PIP5K1A: variants seen among roughly 807,000 people sequenced by gnomAD.
The protein encoded by PIP5K1A is phosphatidylinositol-4-phosphate 5-kinase type 1 alpha.
Under a neutral mutation model 72.9 loss-of-function variants are expected in PIP5K1A, and 46 were observed. The observed-to-expected ratio is 0.63, with a 90% confidence interval of 0.50 to 0.81. The LOEUF (loss-of-function observed/expected upper bound fraction) is 0.81. Ranked by LOEUF, PIP5K1A falls within the 30% of genes least tolerant of loss-of-function variation. PIP5K1A has a pLI of 0.00. For synonymous variants in PIP5K1A, 228 were observed against 255.1 expected (o/e 0.89, Z 1.01); for missense variants, 458 against 706.1 (o/e 0.65, Z 3.98).
chr1:151,246,265 G>A (rs181107423), intron 14 of PIP5K1A, among the ~76,000 whole-genome samples: 38 of 152,114 alleles, frequency 2.5e-4, no homozygotes, highest in Middle Eastern at 3.4e-3. Context: ...ACAAAAATTT[G>A]TTATCCCAGT....
At chr1:151,210,234 C>T (rs1686608583) in intron 1 of PIP5K1A, among the ~76,000 whole-genome samples, 1 of 145,080 alleles carries the variant, frequency 6.9e-6, no homozygotes, top group African/African-American at 2.5e-5. Flanking sequence ...CTCACTCTGT[C>T]ATCCAGGGTG....
At chr1:151,214,529 C>T (rs1687298826) in intron 1 of PIP5K1A, among the ~76,000 whole-genome samples, 1 of 151,728 alleles carries the variant, frequency 6.6e-6, no homozygotes, top group Non-Finnish European at 1.5e-5. Flanking sequence ...TACAGGTGAT[C>T]GCCACCATGT....
upstream of PIP5K1A, chr1:151,197,905 C>A: frequency 1.6e-5 from 6 of 369,658 alleles, no homozygotes; most frequent in South Asian, 1.2e-4. Context: ...TCTCCATGCC[C>A]TTTGGAGCAC....
intron 4 of PIP5K1A, among the ~76,000 whole-genome samples, chr1:151,229,028 C>T (rs916679372): frequency 2.4e-4 from 37 of 151,256 alleles, no homozygotes; most frequent in Non-Finnish European, 7.4e-5. Flanking sequence ...ATTAGCTGGG[C>T]GCGGTGGTGG....
chr1:151,205,734 G>A (rs587674374), intron 1 of PIP5K1A, among the ~76,000 whole-genome samples: 1 of 152,048 alleles, frequency 6.6e-6, no homozygotes, highest in Non-Finnish European at 1.5e-5. Context: ...GGAGGCGGAG[G>A]TTGCAGTGAG....
At chr1:151,241,061 G>A (rs778334384) in intron 12 of PIP5K1A, among the ~76,000 whole-genome samples, 4 of 152,152 alleles carry the variant, frequency 2.6e-5, no homozygotes, top group Admixed American at 6.5e-5. Flanking sequence ...TACTCAGGAG[G>A]CTGAGGCAGG....
intron 13 of PIP5K1A, 63 bp from the exon 14 acceptor site, chr1:151,242,375 G>T (rs1571009286): frequency 6.2e-7 from 1 of 1,604,454 alleles, no homozygotes; most frequent in South Asian, 1.1e-5. Context: ...TATCCAGGAA[G>T]CCTAGCTGCT....
chr1:151,219,381 CAA>C (rs1179510165), intron 1 of PIP5K1A, among the ~76,000 whole-genome samples: 23 of 67,168 alleles, frequency 3.4e-4, no homozygotes, highest in Admixed American at 3.8e-4. Context: ...ACTCTCGTCT[CAA>C]AAAAAAAAAA....
chr1:151,229,516 C>T, intron 4 of PIP5K1A, among the ~76,000 whole-genome samples: 1 of 151,668 alleles, frequency 6.6e-6, no homozygotes, highest in East Asian at 2.0e-4. Flanking sequence ...CATGCACCAC[C>T]ATGCCTGGAT....
chr1:151,227,900 A>G (rs1041339635), intron 4 of PIP5K1A, among the ~76,000 whole-genome samples: 6 of 152,176 alleles, frequency 3.9e-5, no homozygotes, highest in Non-Finnish European at 8.8e-5. Context: ...AAAGAAAAAA[A>G]AATTAGTGAA....
rs915602477 is a variant in PIP5K1A, at chr1:151,234,896, A to G, written c.939+400A>G. 1.1e-4 allele frequency among the ~76,000 whole-genome samples: 17 copies of G among 152,334 alleles called. No homozygotes were observed. In the South Asian group the frequency reaches 2.3e-3, roughly 20 times the overall value. ...ATATCCAACCCCACTTGGGCTTTCA[A>G]TATCGATCTTCAGTCCATTTGCTGT... On this transcript the variant is annotated intron_variant, in intron 8 of 15. Transcript: ENST00000368888.
At chr1:151,216,069 T>C (rs1017418933) in intron 1 of PIP5K1A, 9 of 822,194 alleles carry the variant, frequency 1.1e-5, no homozygotes, top group Admixed American at 2.3e-5. Context: ...CAATTCCTCT[T>C]CCCCATAACA....
intron 1 of PIP5K1A, among the ~76,000 whole-genome samples, chr1:151,220,382 A>G (rs1688246089): frequency 6.6e-6 from 1 of 151,624 alleles, no homozygotes. Context: ...CTTCTGTGGT[A>G]TTTTTTTCCT....
At chr1:151,216,366 A>G (rs969025118) in intron 1 of PIP5K1A, among the ~76,000 whole-genome samples, 1 of 151,656 alleles carries the variant, frequency 6.6e-6, no homozygotes, top group Non-Finnish European at 1.5e-5. Flanking sequence ...AAAAAAAAAA[A>G]CAGTTGCAGA....
chr1:151,203,030 A>C (rs1222775808), intron 1 of PIP5K1A, among the ~76,000 whole-genome samples: 2 of 152,034 alleles, frequency 1.3e-5, no homozygotes, highest in African/African-American at 4.8e-5. Flanking sequence ...CAGCCTTGCA[A>C]AGTGCTGAGG....
At chr1:151,239,344 C>A (rs1398693459) in intron 11 of PIP5K1A, among the ~76,000 whole-genome samples, 166 bp downstream of exon 11, 1 of 151,352 alleles carries the variant, frequency 6.6e-6, no homozygotes, top group Non-Finnish European at 1.5e-5. Context: ...GTGATCTCGG[C>A]TCGCTGCAAC....
chr1:151,232,488 A>T (rs1001036306), intron 6 of PIP5K1A, 63 bp from the exon 7 acceptor site: 28 of 1,550,850 alleles, frequency 1.8e-5, no homozygotes, highest in Non-Finnish European at 2.4e-5. Context: ...TCTGTAGTTG[A>T]TTTTTGTGTT....
intron 9 of PIP5K1A, among the ~76,000 whole-genome samples, 158 bp from the exon 10 acceptor site, chr1:151,238,024 T>A (rs1324404835): frequency 1.3e-5 from 2 of 152,204 alleles, no homozygotes; most frequent in Non-Finnish European, 2.9e-5. Context: ...CCTGTTTTTT[T>A]AATGTATTTT....
chr1:151,241,345 CA>C (rs1194871030), intron 12 of PIP5K1A, among the ~76,000 whole-genome samples: 12 of 147,066 alleles, frequency 8.2e-5, no homozygotes, highest in Non-Finnish European at 1.5e-4. Flanking sequence ...ACTAAAAATA[CA>C]AAAAAAAATT....
Sources: allele counts gnomAD v4.1 joint callset (sites outside exome capture counted in the v4.1 genomes callset), GRCh38; gene constraint gnomAD v4.1.1; transcripts MANE v1.5; gene names NCBI Gene and HGNC (gene_info 2026-07-23, HGNC 2026-07-21).